STK32C: variants seen among roughly 807,000 people sequenced by gnomAD.
STK32C encodes serine/threonine-protein kinase 32C.
STK32C carries 31 observed loss-of-function variants against 56.5 expected under a neutral mutation model. The observed-to-expected ratio is 0.55, with a 90% confidence interval of 0.41 to 0.74. The LOEUF (loss-of-function observed/expected upper bound fraction) is 0.74, where lower values mean the gene tolerates loss of function less well. Among genes scored for constraint, STK32C ranks in the 30% least tolerant of loss-of-function variants. The pLI is 0.00. For synonymous variants in STK32C, 309 were observed against 289.4 expected (o/e 1.07, Z -0.69); for missense variants, 544 against 676.9 (o/e 0.80, Z 2.18).
chr10:132,311,157 C>T (rs2066212652), upstream of STK32C, among the ~76,000 whole-genome samples: 1 of 152,178 alleles, frequency 6.6e-6, no homozygotes, highest in Admixed American at 6.5e-5. This position sits in a 1 kb window ranked among gnomAD's most constrained non-coding sequence, Gnocchi z 4.4. Context: ...GCACACAGCT[C>T]AGTCACACCG....
intron 1 of STK32C, among the ~76,000 whole-genome samples, chr10:132,329,982 G>GC (rs11409148): frequency 0.41 from 62,485 of 152,094 alleles, 13,174 homozygotes; most frequent in African/African-American, 0.47. Context: ...AGCAGTCGCT[G>GC]CCCGGAGGAA....
At chr10:132,211,213 G>A (rs1023063690) in intron 10 of STK32C, among the ~76,000 whole-genome samples, 1 of 152,150 alleles carries the variant, frequency 6.6e-6, no homozygotes, top group African/African-American at 2.4e-5. Flanking sequence ...AGACAAGTCT[G>A]CAAACTCGGG....
At chr10:132,301,307 G>A (rs992678009) in intron 1 of STK32C, among the ~76,000 whole-genome samples, 5 of 152,312 alleles carry the variant, frequency 3.3e-5, no homozygotes, top group East Asian at 1.9e-4. Flanking sequence ...ATGCAGCTCC[G>A]AGCTTCCCAA....
chr10:132,302,964 T>C (rs1056399567), intron 1 of STK32C, among the ~76,000 whole-genome samples: 7 of 152,160 alleles, frequency 4.6e-5, no homozygotes, highest in East Asian at 3.9e-4. Context: ...TTCAAAGCTA[T>C]AGACTAACGA....
At chr10:132,281,360 GC>G (rs1207916008) in intron 1 of STK32C, among the ~76,000 whole-genome samples, 1 of 151,918 alleles carries the variant, frequency 6.6e-6, no homozygotes, top group Non-Finnish European at 1.5e-5. Flanking sequence ...CCTTCTTTGG[GC>G]CTCTCTGTTT....
Position 132,279,590 on chromosome 10 carries a change from G to A in STK32C, c.262+27982C>T, listed in dbSNP as rs550162729. Among the ~76,000 whole-genome samples the A allele has an allele frequency of 7.9e-5, 12 of 151,888 alleles. No individual in the cohort carries two copies. In the South Asian group the frequency reaches 1.5e-3, roughly 18 times the overall value. ...CAATGAGCCATGATCATGCCCACCC[G>A]CACTCCATGTTCACGCCCCTGCACT... On this transcript the variant is annotated intron_variant, in intron 1 of 11. Coordinates refer to ENST00000298630, the MANE Select transcript of STK32C (RefSeq NM_173575.4).
chr10:132,325,944 A>T (rs777814422), intron 1 of STK32C, among the ~76,000 whole-genome samples: 5 of 151,962 alleles, frequency 3.3e-5, no homozygotes, highest in Non-Finnish European at 5.9e-5. Context: ...GATGTTATCG[A>T]TCTCCTGACC....
chr10:132,209,870 C>CCA (rs1459423088), intron 10 of STK32C, among the ~76,000 whole-genome samples: 1 of 152,182 alleles, frequency 6.6e-6, no homozygotes, highest in African/African-American at 2.4e-5. Context: ...AAAAGGGCCC[C>CCA]CACCTCCTGC....
rs1357993519 is a variant in STK32C, at chr10:132,280,889, G to A, written c.262+26683C>T. 6.1e-5 allele frequency among the ~76,000 whole-genome samples: 9 copies of A among 147,098 alleles called. No homozygotes were observed. In the South Asian group the frequency reaches 1.3e-3, roughly 21 times the overall value. On this transcript the variant is annotated intron_variant, in intron 1 of 11. Transcript: ENST00000298630. ...TGCCGTGACCACGCCCCTGCACTCC[G>A]TGACCACGCCCCTGCATCCTGTGAC... is the stretch of plus-strand genomic sequence containing the variant.
chr10:132,219,558 A>G (rs1347863874), intron 10 of STK32C, among the ~76,000 whole-genome samples: 2 of 152,064 alleles, frequency 1.3e-5, no homozygotes, highest in East Asian at 3.9e-4. Flanking sequence ...TAAACATCCA[A>G]TGGGGGCAAT....
chr10:132,305,951 C>A (rs955846574), intron 1 of STK32C, among the ~76,000 whole-genome samples: 3 of 152,230 alleles, frequency 2.0e-5, no homozygotes, highest in Non-Finnish European at 4.4e-5. Context: ...TCAGCCGAAT[C>A]TCTGCCGTCC....
intron 1 of STK32C, 74 bp from the exon 2 acceptor site, chr10:132,246,029 A>C: frequency 1.4e-6 from 2 of 1,398,288 alleles, no homozygotes; most frequent in Non-Finnish European, 1.0e-6. Flanking sequence ...CCCCACCTCA[A>C]CATCCCCCAC....
intron 2 of STK32C, among the ~76,000 whole-genome samples, chr10:132,245,261 A>G (rs1160764918): frequency 1.3e-5 from 2 of 152,220 alleles, no homozygotes; most frequent in East Asian, 1.9e-4. Context: ...AGAACTGTCC[A>G]TTCAGAAGTG....
At chr10:132,330,724 G>T (rs1009620548) in intron 1 of STK32C, among the ~76,000 whole-genome samples, 1 of 144,896 alleles carries the variant, frequency 6.9e-6, no homozygotes, top group Non-Finnish European at 1.5e-5. Flanking sequence ...TGCCCAGGCT[G>T]GTCTCCAACT....
chr10:132,270,878 G>C (rs1301364602), intron 1 of STK32C, among the ~76,000 whole-genome samples: 2 of 152,174 alleles, frequency 1.3e-5, no homozygotes, highest in Admixed American at 6.5e-5. Flanking sequence ...GGACCCACCT[G>C]TGGCCCAGGG....
intron 1 of STK32C, among the ~76,000 whole-genome samples, chr10:132,327,423 G>A (rs541953701): frequency 2.5e-4 from 38 of 151,896 alleles, no homozygotes; most frequent in South Asian, 1.9e-3. Flanking sequence ...TAATACAGAG[G>A]CCCTCCCACA....
chr10:132,243,423 C>T (rs566121816), intron 2 of STK32C, among the ~76,000 whole-genome samples: 4 of 151,978 alleles, frequency 2.6e-5, no homozygotes, highest in African/African-American at 7.2e-5. Flanking sequence ...AAGTCTATGC[C>T]GGGTAAGGGG....
chr10:132,331,534 G>T (rs1331042961), exon 1 of STK32C: 9 of 1,612,934 alleles, frequency 5.6e-6, no homozygotes, highest in Middle Eastern at 1.6e-4. Flanking sequence ...AAGTCCTGAG[G>T]CAAGATTTGG....
chr10:132,295,491 G>C (rs1187390789), intron 1 of STK32C, among the ~76,000 whole-genome samples: 1 of 152,368 alleles, frequency 6.6e-6, no homozygotes, highest in East Asian at 1.9e-4. Flanking sequence ...AATTAAAGCA[G>C]TGACGAATTA....
Sources: gnomAD v4.1 joint callset for allele counts (sites outside exome capture counted in the v4.1 genomes callset) on GRCh38, gnomAD v4.1.1 for gene constraint, Gnocchi (gnomAD v3.1) non-coding constraint, MANE v1.5 for transcripts, NCBI Gene and HGNC (gene_info 2026-07-23, HGNC 2026-07-21) for gene names.